NCKAP5: variants seen among roughly 807,000 people sequenced by gnomAD.
NCKAP5 encodes NCK associated protein 5, also known as nck-associated protein 5.
A neutral mutation model predicts 167.0 loss-of-function variants in NCKAP5; 92 were observed. The ratio of observed to expected loss-of-function variants is 0.55; its 90% CI spans 0.47 to 0.66. The LOEUF (loss-of-function observed/expected upper bound fraction) is 0.66. NCKAP5 is among the 30% of genes least tolerant of loss of function. The probability of loss-of-function intolerance (pLI) is 0.00; values close to 1 mark genes in which losing one functional copy is unlikely to be tolerated. For synonymous variants in NCKAP5, 891 were observed against 877.4 expected (o/e 1.02, Z -0.27); for missense variants, 2,378 against 2,315.0 (o/e 1.03, Z -0.56).
Position 132,885,403 on chromosome 2 carries a change from A to T in NCKAP5, c.580-6487T>A, listed in dbSNP as rs139371789. 5.8e-4 allele frequency among the ~76,000 whole-genome samples: 88 copies of T among 152,338 alleles called. 2 individuals are homozygous for T. Among genetic ancestry groups the T allele is most frequent in the African/African-American group, 1.9e-3 (80 of 41,588 alleles). ...ATGTTATTAAAGTCAATATGCCCAG[A>T]GGATGCAGTTAGAGCATTCAAGTAA... On this transcript the variant is annotated intron_variant, in intron 8 of 19. Coordinates refer to ENST00000409261, the MANE Select transcript of NCKAP5 (RefSeq NM_207363.3).
chr2:133,025,058 T>G (rs186206772), intron 6 of NCKAP5, among the ~76,000 whole-genome samples: 1 of 152,332 alleles, frequency 6.6e-6, no homozygotes, highest in East Asian at 1.9e-4. Context: ...CCAGATGAAT[T>G]AGTCCAATTA....
the NCKAP5 span, among the ~76,000 whole-genome samples, chr2:133,580,148 T>G: frequency 3.9e-5 from 6 of 152,260 alleles, no homozygotes; most frequent in African/African-American, 1.4e-4. Context: ...TCGGGAATTG[T>G]TTACTCATCC....
chr2:133,428,047 G>T (rs143744836), intron 3 of NCKAP5, among the ~76,000 whole-genome samples: 135 of 152,176 alleles, frequency 8.9e-4, no homozygotes, highest in African/African-American at 3.2e-3. Flanking sequence ...ATACATAAGT[G>T]ATATAATTCT....
chr2:133,139,657 A>C (rs1263272683), intron 5 of NCKAP5, among the ~76,000 whole-genome samples: 1 of 152,180 alleles, frequency 6.6e-6, no homozygotes, highest in African/African-American at 2.4e-5. Context: ...AATCTAAAGG[A>C]TGATAATTCT....
intron 6 of NCKAP5, among the ~76,000 whole-genome samples, chr2:133,126,136 C>T (rs957890711): frequency 2.0e-5 from 3 of 152,216 alleles, no homozygotes; most frequent in African/African-American, 7.2e-5. Flanking sequence ...ATCACTCATC[C>T]TGACACCTGA....
chr2:133,647,473 GAAGGAAAGGAAAGGAAAGGAAAGGA>G, the NCKAP5 span, among the ~76,000 whole-genome samples: 131 of 62,626 alleles, frequency 2.1e-3, 2 homozygotes, highest in East Asian at 0.036. Context: ...AAGGGCAAGG[GAAGGAAAGGAAAGGAAAGGAAAGGA>G]AAGGAAAGGA....
intron 3 of NCKAP5, among the ~76,000 whole-genome samples, chr2:133,319,086 C>G (rs1226036498): frequency 2.6e-5 from 4 of 152,048 alleles, no homozygotes; most frequent in African/African-American, 9.7e-5. Context: ...TTAAGAACGA[C>G]TCTTCAATAG....
chr2:132,698,940 A>T (rs998715269), intron 19 of NCKAP5, among the ~76,000 whole-genome samples: 1 of 152,238 alleles, frequency 6.6e-6, no homozygotes, highest in Non-Finnish European at 1.5e-5. Flanking sequence ...TGTATGTTGT[A>T]ACAAGCCTTC....
intron 5 of NCKAP5, among the ~76,000 whole-genome samples, chr2:133,178,413 G>A (rs1165195873): frequency 6.7e-6 from 1 of 148,232 alleles, no homozygotes; most frequent in African/African-American, 2.5e-5. Context: ...GCTGAGGCTG[G>A]AGAATTGCCT....
intron 8 of NCKAP5, among the ~76,000 whole-genome samples, chr2:132,896,258 A>G (rs1693194726): frequency 6.6e-6 from 1 of 152,236 alleles, no homozygotes; most frequent in East Asian, 1.9e-4. Context: ...CATTCTAGAA[A>G]CCACATTTCC....
intron 3 of NCKAP5, among the ~76,000 whole-genome samples, chr2:133,361,589 GA>G (rs1685106785): frequency 6.6e-6 from 1 of 152,156 alleles, no homozygotes; most frequent in South Asian, 2.1e-4. Flanking sequence ...TAAAAGTGAA[GA>G]AAACGGACGT....
chr2:133,286,356 CAG>C (rs1679142420), intron 4 of NCKAP5, among the ~76,000 whole-genome samples: 1 of 152,066 alleles, frequency 6.6e-6, no homozygotes, highest in Non-Finnish European at 1.5e-5. Context: ...AGATCTGAAA[CAG>C]AACAAGGCAA....
chr2:133,303,051 G>A lies in NCKAP5; in HGVS notation c.129C>T (p.His43=), dbSNP rs770286157. ...ATTGAACTCACCTCCAGAGACTCCT[G>A]TGTTGCTCCTCAAGCTGAGTCAGCA... The part of the protein sequence containing the change: ...EHLLTQLEEQ[H]RSLWREKLAV... Residue 43 remains histidine (H), a synonymous_variant, in exon 4 of 20, where the codon CAC becomes CAT. Coordinates refer to ENST00000409261, the MANE Select transcript of NCKAP5 (RefSeq NM_207363.3). The A allele has an allele frequency of 4.4e-6, 7 of 1,600,718 alleles. No homozygotes were observed. Among genetic ancestry groups the A allele is most frequent in the Non-Finnish European group, 5.1e-6 (6 of 1,173,036 alleles).
intron 19 of NCKAP5, among the ~76,000 whole-genome samples, chr2:132,691,714 A>G (rs1686752921): frequency 6.6e-6 from 1 of 152,186 alleles, no homozygotes; most frequent in Admixed American, 6.5e-5. Context: ...ATCTCCGACC[A>G]GAAACATTCC....
intron 3 of NCKAP5, among the ~76,000 whole-genome samples, chr2:133,328,097 T>G (rs1192932174): frequency 6.6e-6 from 1 of 152,188 alleles, no homozygotes; most frequent in Non-Finnish European, 1.5e-5. Context: ...GTTACCCGAT[T>G]GGTAGAACCA....
At chr2:132,941,317 T>C (rs552742864) in intron 8 of NCKAP5, among the ~76,000 whole-genome samples, 1 of 152,352 alleles carries the variant, frequency 6.6e-6, no homozygotes, top group African/African-American at 2.4e-5. Flanking sequence ...CTTCCTTTGG[T>C]GGACCACTCT....
chr2:133,082,145 TCTGTTC>T (rs1382865716), intron 6 of NCKAP5, among the ~76,000 whole-genome samples: 1 of 152,156 alleles, frequency 6.6e-6, no homozygotes, highest in Non-Finnish European at 1.5e-5. Flanking sequence ...TGTTTGGCTT[TCTGTTC>T]CTGTGTTAAT....
chr2:133,584,993 G>GGAAA, the NCKAP5 span, among the ~76,000 whole-genome samples: 110 of 144,418 alleles, frequency 7.6e-4, 1 homozygote, highest in East Asian at 0.018. Flanking sequence ...AAGGAAGGAA[G>GGAAA]GAGGGAAAGA....
intron 3 of NCKAP5, among the ~76,000 whole-genome samples, chr2:133,470,857 A>C (rs62177702): frequency 0.12 from 18,491 of 152,104 alleles, 1,225 homozygotes; most frequent in East Asian, 0.23. Context: ...GCAATGCCTC[A>C]CCCTGCTTTG....
Sources: allele counts gnomAD v4.1 joint callset (sites outside exome capture counted in the v4.1 genomes callset), GRCh38; gene constraint gnomAD v4.1.1; transcripts MANE v1.5; gene names NCBI Gene and HGNC (gene_info 2026-07-23, HGNC 2026-07-21).